The following LINGO1 variants were observed in gnomAD, a reference collection of about 807,000 sequenced individuals.
LINGO1 encodes the protein leucine rich repeat and Ig domain containing 1, also known as leucine-rich repeat and immunoglobulin-like domain-containing nogo receptor-interacting protein 1.
A neutral mutation model predicts 37.3 loss-of-function variants in LINGO1; 11 were observed. The observed-to-expected ratio is 0.29, with a 90% CI of 0.19 to 0.49. The LOEUF is 0.49. Among genes scored for constraint, LINGO1 ranks in the 20% least tolerant of loss-of-function variants. LINGO1 has a pLI of 0.99. For synonymous variants in LINGO1, 387 were observed against 403.0 expected (o/e 0.96, Z 0.48); for missense variants, 585 against 878.2 (o/e 0.67, Z 4.22).
At chr15:77,678,175 GT>G (rs1330499498) in intron 2 of LINGO1, among the ~76,000 whole-genome samples, 1 of 152,178 alleles carries the variant, frequency 6.6e-6, no homozygotes, top group Non-Finnish European at 1.5e-5. Flanking sequence ...TTTCCATCAG[GT>G]TTATTGAGGT....
chr15:77,778,177 G>A (rs2076680473), intron 1 of LINGO1, among the ~76,000 whole-genome samples: 1 of 152,088 alleles, frequency 6.6e-6, no homozygotes, highest in Non-Finnish European at 1.5e-5. Context: ...TTGGCTTGTG[G>A]CCACATCACT....
intron 2 of LINGO1, among the ~76,000 whole-genome samples, chr15:77,708,754 A>G (rs2075883284): frequency 6.6e-6 from 1 of 152,176 alleles, no homozygotes; most frequent in Non-Finnish European, 1.5e-5. Flanking sequence ...CCAATACAAA[A>G]ATTAGCCAGA....
At chr15:77,622,575 C>T (rs535942654) in intron 1 of LINGO1, among the ~76,000 whole-genome samples, 2 of 152,352 alleles carry the variant, frequency 1.3e-5, no homozygotes, top group South Asian at 4.1e-4. Flanking sequence ...GACTTGTCCT[C>T]TCCCCAAGTC....
At chr15:77,706,666 C>T (rs947386405) in intron 2 of LINGO1, among the ~76,000 whole-genome samples, 1 of 152,236 alleles carries the variant, frequency 6.6e-6, no homozygotes. Context: ...TAAGACGCCT[C>T]CTCAGAGAAG....
At chr15:77,776,530 G>GGAAAGCAGGAAGGCAGGA (rs2076653137) in intron 1 of LINGO1, among the ~76,000 whole-genome samples, 11 of 34,534 alleles carry the variant, frequency 3.2e-4, no homozygotes, top group African/African-American at 7.7e-4. Context: ...GGGAGGAAGG[G>GGAAAGCAGGAAGGCAGGA]AGGGAGGGAG....
Position 77,615,779 on chromosome 15 carries a change from G to T in LINGO1, c.128C>A (p.Pro43Gln). ...SVLSGSATGC[P>Q]PRCECSAQDR... ...CTGGGCGGAGCACTCGCAGCGGGGC[G>T]GGCAGCCCGTGGCCGAGCCTGACAG... Residue 43 changes from proline to glutamine, a missense_variant, in exon 2 of 2, where the codon CCG becomes CAG. Pro to Gln is a moderately conservative substitution (Grantham distance 76). Coordinates refer to ENST00000355300, the MANE Select transcript of LINGO1 (RefSeq NM_032808.7). 1 of 1,572,372 alleles carries T rather than the reference G, an allele frequency of 6.4e-7. No individual in the cohort carries two copies. The highest frequency in any genetic ancestry group is 1.8e-5 in the Admixed American group (1 of 56,120).
At chr15:77,795,891 T>C (rs1318764960) in intron 2 of LINGO1, 1 of 152,332 alleles carries the variant, frequency 6.6e-6, no homozygotes, top group Non-Finnish European at 1.5e-5. Flanking sequence ...CAGCCTCCCC[T>C]ACAGACCCCA....
Position 77,728,228 on chromosome 15 carries a change from C to T in LINGO1, c.-195+6764G>A, listed in dbSNP as rs140914653. On this transcript the variant is annotated intron_variant, in intron 2 of 3. Coordinates refer to the LINGO1 transcript ENST00000561686. The stretch of plus-strand genomic sequence containing the variant: ...AGGTGCAGGCATTTTAGGCAGCTGC[C>T]TCTCCCACTGCCTGGCAGTGTGATT... Among the ~76,000 whole-genome samples, 512 of 152,328 alleles carry T rather than the reference C, an allele frequency of 3.4e-3. 7 individuals are homozygous for T. Among genetic ancestry groups the T allele is most frequent in the African/African-American group, 0.012 (488 of 41,582 alleles).
At chr15:77,695,038 C>T (rs114325246) in intron 1 of LINGO1, among the ~76,000 whole-genome samples, 1 of 152,174 alleles carries the variant, frequency 6.6e-6, no homozygotes, top group Non-Finnish European at 1.5e-5. Context: ...CCCTGACAGA[C>T]CCCAGGATAG....
At chr15:77,734,243 T>C (rs1182121363) in intron 2 of LINGO1, among the ~76,000 whole-genome samples, 3 of 152,060 alleles carry the variant, frequency 2.0e-5, no homozygotes, top group Non-Finnish European at 2.9e-5. Context: ...CCTGAGCACA[T>C]AGGTAAGGCT....
chr15:77,728,723 C>G (rs2076127023), intron 2 of LINGO1, among the ~76,000 whole-genome samples: 1 of 152,248 alleles, frequency 6.6e-6, no homozygotes, highest in African/African-American at 2.4e-5. Flanking sequence ...GGAATGTAGT[C>G]CAGACTGCCG....
chr15:77,626,883 A>G (rs571237306), intron 1 of LINGO1, among the ~76,000 whole-genome samples: 83 of 152,280 alleles, frequency 5.5e-4, no homozygotes, highest in African/African-American at 1.6e-3. Context: ...TCTACACCTC[A>G]GTAGCCCCTC....
At chr15:77,639,913 C>T (rs1165604311) in intron 3 of LINGO1, among the ~76,000 whole-genome samples, 1 of 152,144 alleles carries the variant, frequency 6.6e-6, no homozygotes. Context: ...CACTTTGAAC[C>T]CCACACCATG....
rs1363421960 is a variant in LINGO1 at position 77,614,134 on chromosome 15, G to C, written c.1773C>G (p.His591Gln). 3.1e-6 allele frequency: 5 copies of C among 1,613,898 alleles called. No homozygotes were observed. The highest frequency in any genetic ancestry group is 4.2e-6 in the Non-Finnish European group (5 of 1,179,912). The change falls in exon 2 of 2, where the codon CAC becomes CAG. Residue 591 changes from histidine (H) to glutamine (Q), a missense_variant. This residue lies in a region of LINGO1 where 34 missense variants were observed against 62.0 expected (regional missense o/e 0.55). Transcript: ENST00000355300. Reference sequence around the variant, plus strand: ...GGGGCACATACTCGATCTCGATGTTGTGCTTTGTGTTGCCCTTGCCCCGGC... The same window carrying C: ...GGGGCACATACTCGATCTCGATGTTCTGCTTTGTGTTGCCCTTGCCCCGGC... ...LWSRGKGNTKHNIEIEYVPRK... is the reference protein window; with the variant it reads ...LWSRGKGNTKQNIEIEYVPRK...
At chr15:77,751,318 T>A (rs1280212130) in intron 1 of LINGO1, among the ~76,000 whole-genome samples, 2 of 152,236 alleles carry the variant, frequency 1.3e-5, no homozygotes. Context: ...ACATGGTAAG[T>A]CCTCAGCAAG....
intron 3 of LINGO1, among the ~76,000 whole-genome samples, chr15:77,642,441 C>T (rs1207162689): frequency 1.3e-5 from 2 of 152,236 alleles, no homozygotes; most frequent in Non-Finnish European, 1.5e-5. Flanking sequence ...CATTTTGGCT[C>T]CTCTATGTGA....
At chr15:77,767,906 C>T (rs1241726403) in intron 1 of LINGO1, among the ~76,000 whole-genome samples, 1 of 152,098 alleles carries the variant, frequency 6.6e-6, no homozygotes, top group Non-Finnish European at 1.5e-5. Context: ...ATAGTTAATG[C>T]CTGAAAAAGG....
intron 2 of LINGO1, among the ~76,000 whole-genome samples, chr15:77,724,834 CCA>C (rs977812080): frequency 6.6e-6 from 1 of 152,226 alleles, no homozygotes; most frequent in African/African-American, 2.4e-5. Flanking sequence ...ATGCCCTCCC[CCA>C]CAGTCTACCT....
chr15:77,770,587 CAAAAAAAAAAAAA>C (rs71145861), intron 1 of LINGO1, among the ~76,000 whole-genome samples: 130 of 79,338 alleles, frequency 1.6e-3, no homozygotes, highest in African/African-American at 6.0e-3. Context: ...GACTCTGTCT[CAAAAAAAAAAAAA>C]AAAAAAAAAA....
Sources: allele counts gnomAD v4.1 joint callset (sites outside exome capture counted in the v4.1 genomes callset), GRCh38; gene constraint gnomAD v4.1.1; regional missense constraint gnomAD v4.1.1; transcripts MANE v1.5; gene names NCBI Gene and HGNC (gene_info 2026-07-23, HGNC 2026-07-21).